Variants in LAIR1 observed in about 807,000 individuals in gnomAD.
LAIR1 encodes leukocyte-associated immunoglobulin-like receptor 1.
Under a neutral mutation model 32.8 loss-of-function variants are expected in LAIR1, and 24 were observed. That is an observed-to-expected ratio of 0.73 (90% CI 0.53 to 1.03). The LOEUF (loss-of-function observed/expected upper bound fraction) is 1.03. Among genes scored for constraint, LAIR1 ranks in the 50% least tolerant of loss-of-function variants. The pLI, the probability that LAIR1 is intolerant of heterozygous loss-of-function variation, is 0.00. For missense variants in LAIR1, 355 were observed against 347.5 expected, an observed-to-expected ratio of 1.02 and a Z score of -0.17; for synonymous variants, 150 against 140.5, an observed-to-expected ratio of 1.07 and a Z score of -0.48.
At chr19:54,357,976 G>A (rs1372215042) in intron 4 of LAIR1, 1 of 149,186 alleles carries the variant, frequency 6.7e-6, no homozygotes, top group African/African-American at 2.5e-5. Context: ...ATTATTTATA[G>A]TTATATGTAT....
At chr19:54,365,874 C>T (rs1399189246), upstream of LAIR1, among the ~76,000 whole-genome samples, 1 of 151,934 alleles carries the variant, frequency 6.6e-6, no homozygotes, top group Admixed American at 6.6e-5. Flanking sequence ...TGAAAACCAT[C>T]TAAATGTCCA....
At chr19:54,373,258 C>A (rs541323820), upstream of LAIR1, among the ~76,000 whole-genome samples, 5 of 150,738 alleles carry the variant, frequency 3.3e-5, no homozygotes, top group Non-Finnish European at 5.9e-5. Flanking sequence ...CTGGCCAACA[C>A]GGTGAAACCC....
chr19:54,369,975 A>T (rs4021844), intron 1 of LAIR1, among the ~76,000 whole-genome samples: 85,556 of 145,222 alleles, frequency 0.59, 26,144 homozygotes, highest in East Asian at 0.76. Context: ...CTCACAGTTC[A>T]GCACGTTGCA....
chr19:54,366,335 G>A (rs2082252003), upstream of LAIR1, among the ~76,000 whole-genome samples: 1 of 152,174 alleles, frequency 6.6e-6, no homozygotes, highest in African/African-American at 2.4e-5. Context: ...ATAGTGATGT[G>A]AACAGCGAAG....
In LAIR1 at chr19:54,354,724, A is replaced by G. The variant is rs1413715393; in HGVS notation, c.*544T>C. The stretch of plus-strand genomic sequence containing the variant: ...TGATGCGTGGAGTAAAGCACAACCC[A>G]GAGAACTGGGCTTGGCTCTCAGCTG... On this transcript the variant is annotated 3_prime_UTR_variant, in exon 10 of 10. Coordinates refer to ENST00000391742, the MANE Select transcript of LAIR1 (RefSeq NM_002287.6). The G allele has an allele frequency of 6.6e-6, 1 of 152,330 alleles. No homozygotes were observed. The highest frequency in any genetic ancestry group is 1.9e-4 in the East Asian group (1 of 5,198). 9.4% of individuals were successfully genotyped at this position (152,330 alleles called of 1,614,324 possible).
At chr19:54,356,760 C>T in intron 5 of LAIR1, 141 bp from the exon 6 acceptor site, 6 of 1,161,876 alleles carry the variant, frequency 5.2e-6, no homozygotes, top group East Asian at 2.5e-5. Flanking sequence ...GTACAGGGAT[C>T]GTTATCCCCT....
chr19:54,354,834 C>G lies in LAIR1; in HGVS notation c.*434G>C, dbSNP rs2081626023. On this transcript the variant is annotated 3_prime_UTR_variant, in exon 10 of 10. Transcript: ENST00000391742. The stretch of plus-strand genomic sequence containing the variant: ...GCAGGGCAGATAATTACAGCAAAGT[C>G]TCTGGGGTCACTGGAGGTTCACAGC... 6.2e-6 allele frequency: 1 copy of G among 161,932 alleles called. No individual in the cohort carries two copies. The highest frequency in any genetic ancestry group is 1.9e-4 in the South Asian group (1 of 5,198). The allele number at this position is 161,932 out of a possible 1,614,324, so 10.0% of individuals were successfully genotyped here.
Position 54,355,466 on chromosome 19 carries a change from G to GGGGCTGTGGGGAGGGA in LAIR1, c.718-68_718-53dup, listed in dbSNP as rs1569184222. Reference sequence around the variant, plus strand: ...GAGTGCCTGGTGGAGGGTGAGACGAGGGGCTGTGGGGAGGGAGGGCTGTGG... The same window carrying GGGGCTGTGGGGAGGGA: ...GAGTGCCTGGTGGAGGGTGAGACGAGGGGCTGTGGGGAGGGAGGGCTGTGGGGAGGGAGGGCTGTGG... On this transcript the variant is annotated intron_variant, in intron 9 of 9. Transcript: ENST00000391742. This position sits in a 1 kb window ranked among gnomAD's most constrained non-coding sequence, Gnocchi z 4.7. 6 of 1,498,556 alleles carry GGGGCTGTGGGGAGGGA rather than the reference G, an allele frequency of 4.0e-6. No individual in the cohort carries two copies. The highest frequency in any genetic ancestry group is 2.7e-6 in the Non-Finnish European group (3 of 1,115,958). 92.8% of individuals were successfully genotyped at this position (1,498,556 alleles called of 1,614,324 possible). A position where few individuals can be genotyped will look rare whatever the true frequency, so the allele number is the denominator to read the frequency against.
intron 4 of LAIR1, chr19:54,357,229 G>A: frequency 1.9e-6 from 1 of 521,986 alleles, no homozygotes; most frequent in Non-Finnish European, 3.4e-6. Flanking sequence ...TGCACCGTCT[G>A]CACCTCCAGG....
chr19:54,364,197 A>T lies in LAIR1; in HGVS notation c.70+98T>A. On this transcript the variant is annotated intron_variant, in intron 2 of 9. Coordinates refer to ENST00000391742, the MANE Select transcript of LAIR1 (RefSeq NM_002287.6). This position sits in a 1 kb window ranked among gnomAD's most constrained non-coding sequence, Gnocchi z 4.8. ...TGCAATCTAGGGTATATTTAAAGGG[A>T]TCTCTCCAGGCCCTCTAAGAATCAA... is the stretch of plus-strand genomic sequence containing the variant. 7.2e-7 allele frequency: 1 copy of T among 1,379,870 alleles called. No individual in the cohort carries two copies. The highest frequency in any genetic ancestry group is 1.0e-6 in the Non-Finnish European group (1 of 978,368). The allele number at this position is 1,379,870 out of a possible 1,614,324, so 85.5% of individuals were successfully genotyped here.
chr19:54,366,251 G>A (rs993308084), upstream of LAIR1, among the ~76,000 whole-genome samples: 14 of 152,278 alleles, frequency 9.2e-5, no homozygotes, highest in African/African-American at 2.6e-4. Context: ...TGGAGGGCCC[G>A]GAGGAAGACA....
At chr19:54,360,761 G>T in intron 3 of LAIR1, 155 bp downstream of exon 3, 1 of 656,766 alleles carries the variant, frequency 1.5e-6, no homozygotes, top group East Asian at 2.6e-5. Context: ...GCAGAGGGGA[G>T]GTGTGTGCAG....
chr19:54,361,224 G>C lies in LAIR1; in HGVS notation c.71-15C>G. Reference sequence around the variant, plus strand: ...GGGCAGATCTTCTAGGAGGGAAGCAGAGCAGGATCTCAGCGTCCACTGTAG... The same window carrying C: ...GGGCAGATCTTCTAGGAGGGAAGCACAGCAGGATCTCAGCGTCCACTGTAG... On this transcript the variant is annotated splice_polypyrimidine_tract_variant and intron_variant, in intron 2 of 9. Coordinates refer to ENST00000391742, the MANE Select transcript of LAIR1 (RefSeq NM_002287.6). 1 of 1,612,652 alleles carries C rather than the reference G, an allele frequency of 6.2e-7. No homozygotes were observed. The highest frequency in any genetic ancestry group is 8.5e-7 in the Non-Finnish European group (1 of 1,178,796).
At chr19:54,362,461 A>G (rs1235197006) in intron 2 of LAIR1, among the ~76,000 whole-genome samples, 1 of 152,178 alleles carries the variant, frequency 6.6e-6, no homozygotes, top group East Asian at 1.9e-4. Flanking sequence ...AGAAGGGAGG[A>G]CCGGTATTGA....
chr19:54,364,992 G>T (rs571045160), upstream of LAIR1: 1 of 1,459,452 alleles, frequency 6.9e-7, no homozygotes, highest in Non-Finnish European at 9.0e-7. This position sits in a 1 kb window ranked among gnomAD's most constrained non-coding sequence, Gnocchi z 4.8. Flanking sequence ...CTAGTGAGAC[G>T]AGAGGGAGGG....
Position 54,351,938 on chromosome 19 carries a change from T to A in LAIR1, c.*3330A>T, listed in dbSNP as rs1449612060. On this transcript the variant is annotated 3_prime_UTR_variant, in exon 10 of 10. Coordinates refer to ENST00000391742, the MANE Select transcript of LAIR1 (RefSeq NM_002287.6). ...TTTGTATAACAAACATTCTCACTTG[T>A]TCATGCTGTATTCAACGTCGAGCCC... 1.3e-5 allele frequency: 2 copies of A among 152,158 alleles called. No individual in the cohort carries two copies. Among genetic ancestry groups the A allele is most frequent in the Non-Finnish European group, 2.9e-5 (2 of 68,020 alleles). 9.4% of individuals were successfully genotyped at this position (152,158 alleles called of 1,614,324 possible). A position where few individuals can be genotyped will look rare whatever the true frequency, so the allele number is the denominator to read the frequency against.
chr19:54,352,838 A>G lies in LAIR1; in HGVS notation c.*2430T>C, dbSNP rs1173488568. The G allele has an allele frequency of 6.6e-6, 1 of 152,392 alleles. No individual in the cohort carries two copies. Among genetic ancestry groups the G allele is most frequent in the Non-Finnish European group, 1.5e-5 (1 of 68,074 alleles). 9.4% of individuals were successfully genotyped at this position (152,392 alleles called of 1,614,324 possible). On this transcript the variant is annotated 3_prime_UTR_variant, in exon 10 of 10. Coordinates refer to ENST00000391742, the MANE Select transcript of LAIR1 (RefSeq NM_002287.6). ...CCCAGCTGATGGTTGAAAAACAACC[A>G]GAGAAGAAAGACAGAGATGTAGAAA...
chr19:54,367,221 C>A (rs57344327), upstream of LAIR1, among the ~76,000 whole-genome samples: 6,889 of 152,198 alleles, frequency 0.045, 528 homozygotes, highest in African/African-American at 0.15. Context: ...ATGATCACTG[C>A]CTTGCTGACC....
rs561882274 is a variant in LAIR1, at chr19:54,361,158, A to G, written c.122T>C (p.Leu41Pro). ...ISAEPGTVIP[L>P]GSHVTFVCRG... is the part of the protein sequence containing the mutation. ...GCACACGAAAGTCACATGGCTCCCC[A>G]GGGGGATCACGGTGCCTGGCTCAGC... is the stretch of plus-strand genomic sequence containing the variant. Residue 41 changes from leucine (L) to proline (P), a missense_variant, in exon 3 of 10, where the codon CTG becomes CCG. Transcript: ENST00000391742. 199 of 1,614,140 alleles carry G rather than the reference A, an allele frequency of 1.2e-4. 6 individuals are homozygous for G. In the South Asian group the frequency reaches 1.9e-3, roughly 15 times the overall value.
Sources: gnomAD v4.1 joint callset for allele counts (sites outside exome capture counted in the v4.1 genomes callset) on GRCh38, gnomAD v4.1.1 for gene constraint, Gnocchi (gnomAD v3.1) non-coding constraint, MANE v1.5 for transcripts, NCBI Gene and HGNC (gene_info 2026-07-23, HGNC 2026-07-21) for gene names.